Variants in CALN1 observed in about 807,000 individuals in gnomAD.
CALN1 encodes calneuron 1, also known as calcium-binding protein 8.
Under a neutral mutation model 30.6 loss-of-function variants are expected in CALN1, and 17 were observed. The ratio of observed to expected loss-of-function variants is 0.56; its 90% CI spans 0.38 to 0.83. The LOEUF is 0.83. Ranked by LOEUF, CALN1 falls within the 40% of genes least tolerant of loss-of-function variation. The pLI is 0.00. For synonymous variants in CALN1, 156 were observed against 131.4 expected, an observed-to-expected ratio of 1.19 and a Z score of -1.28; for missense variants, 291 against 354.9, an observed-to-expected ratio of 0.82 and a Z score of 1.45.
At chr7:72,390,858 A>T (rs1188829848) in intron 2 of CALN1, among the ~76,000 whole-genome samples, 1 of 152,238 alleles carries the variant, frequency 6.6e-6, no homozygotes, top group Non-Finnish European at 1.5e-5. Flanking sequence ...GCTTATGTAT[A>T]ATACATTTCC....
chr7:72,410,185 G>T (rs1047997221), intron 1 of CALN1, among the ~76,000 whole-genome samples: 1 of 152,152 alleles, frequency 6.6e-6, no homozygotes, highest in Non-Finnish European at 1.5e-5. Flanking sequence ...GCATTTGCTG[G>T]AACATGAGAG....
rs1794977061 is a variant in CALN1 at position 71,922,122 on chromosome 7, T to C, written c.501+101535A>G. Among the ~76,000 whole-genome samples the C allele has an allele frequency of 2.0e-5, 3 of 152,190 alleles. No individual in the cohort carries two copies. The South Asian group carries it at 6.2e-4, about 32-fold the overall frequency. ...CATACCAAACAGGTAAACAGGTGAGTCAGGTATGGTCACAAATGGAGACAA... is the reference window on the plus strand; with the variant it reads ...CATACCAAACAGGTAAACAGGTGAGCCAGGTATGGTCACAAATGGAGACAA... On this transcript the variant is annotated intron_variant, in intron 5 of 6. Transcript: ENST00000395275.
At chr7:72,002,119 G>T (rs1181654427) in intron 5 of CALN1, among the ~76,000 whole-genome samples, 5 of 152,132 alleles carry the variant, frequency 3.3e-5, no homozygotes, top group Admixed American at 1.3e-4. Context: ...ATAAGATTGG[G>T]AAGGAGCCAA....
At chr7:71,953,359 A>G (rs931048507) in intron 5 of CALN1, among the ~76,000 whole-genome samples, 1 of 152,086 alleles carries the variant, frequency 6.6e-6, no homozygotes, top group Non-Finnish European at 1.5e-5. Context: ...TCCCTGCACT[A>G]TTTAAGTAGA....
intron 6 of CALN1, among the ~76,000 whole-genome samples, chr7:71,809,131 G>T (rs1241056841): frequency 1.3e-5 from 2 of 152,136 alleles, no homozygotes; most frequent in African/African-American, 4.8e-5. Context: ...CTTCAGAAGA[G>T]ATCATTGCTT....
intron 2 of CALN1, among the ~76,000 whole-genome samples, chr7:72,376,218 T>C (rs1004305120): frequency 6.6e-6 from 1 of 152,182 alleles, no homozygotes; most frequent in African/African-American, 2.4e-5. Context: ...ATACAAGTAT[T>C]TGTGTGAACA....
intron 2 of CALN1, among the ~76,000 whole-genome samples, chr7:72,289,131 A>T (rs1206720687): frequency 6.6e-6 from 1 of 152,228 alleles, no homozygotes; most frequent in Non-Finnish European, 1.5e-5. Context: ...TTTGTTGCTG[A>T]TGAGAAATCT....
At chr7:72,311,668 T>G (rs1158665201) in intron 2 of CALN1, among the ~76,000 whole-genome samples, 1 of 143,394 alleles carries the variant, frequency 7.0e-6, no homozygotes, top group Non-Finnish European at 1.5e-5. Flanking sequence ...TTTTTTTTTT[T>G]TTTTTTTTTG....
chr7:72,403,296 C>G lies in CALN1; in HGVS notation c.74G>C (p.Gly25Ala), dbSNP rs759101499. 71 of 1,550,498 alleles carry G rather than the reference C, an allele frequency of 4.6e-5. No homozygotes were observed. The highest frequency in any genetic ancestry group is 2.9e-4 in the Admixed American group (15 of 51,010). The change falls in exon 2 of 7, where the codon GGG (glycine) becomes GCG (alanine). Residue 25 changes from glycine (G) to alanine (A), a missense_variant. Physicochemically the swap from Gly to Ala is moderately conservative, Grantham distance 60. This residue lies in a region of CALN1 where 122 missense variants were observed against 103.2 expected (regional missense o/e 1.18). Coordinates refer to ENST00000395275, the MANE Select transcript of CALN1 (RefSeq NM_031468.4). Reference sequence around the variant, plus strand: ...CTGGCTCCTCGGCGGCTCCTCTCCCCCTCCGAGGGCTCCTCCGTCCCCCTT... The same window carrying G: ...CTGGCTCCTCGGCGGCTCCTCTCCCGCTCCGAGGGCTCCTCCGTCCCCCTT... ...EKKGDGGALG[G>A]GEEPPRSQAP... is the part of the protein sequence containing the mutation.
intron 3 of CALN1, among the ~76,000 whole-genome samples, chr7:72,213,561 T>C (rs1042769152): frequency 2.0e-5 from 3 of 152,310 alleles, no homozygotes; most frequent in East Asian, 1.9e-4. Flanking sequence ...ATGTAAATGA[T>C]ACTTAATAAA....
At position 71,812,926 on chromosome 7, in the gene CALN1, C is replaced by CATTATTATTATTATTATT. The variant is rs566341266; in HGVS notation, c.502-2435_502-2434insAATAATAATAATAATAAT. 1.4e-4 allele frequency among the ~76,000 whole-genome samples: 13 copies of CATTATTATTATTATTATT among 94,386 alleles called. 1 individual carries two copies. The East Asian group carries it at 1.5e-3, about 11-fold the overall frequency. 61.9% of individuals were successfully genotyped at this position (94,386 alleles called of 152,430 possible). ...GTCCAGCTATTTTATTTATCATCAT[C>CATTATTATTATTATTATT]ATCATTATTATTATTATTATTATTA... On this transcript the variant is annotated intron_variant, in intron 5 of 6. Coordinates refer to ENST00000395275, the MANE Select transcript of CALN1 (RefSeq NM_031468.4).
intron 3 of CALN1, among the ~76,000 whole-genome samples, chr7:72,202,421 G>A (rs1791505809): frequency 6.6e-6 from 1 of 152,104 alleles, no homozygotes; most frequent in Non-Finnish European, 1.5e-5. Context: ...ATCTTTTCTT[G>A]ACCTTTAGAA....
intron 5 of CALN1, among the ~76,000 whole-genome samples, chr7:71,990,218 A>T (rs561608986): frequency 6.6e-6 from 1 of 152,220 alleles, no homozygotes; most frequent in African/African-American, 2.4e-5. Context: ...TATGCTAATT[A>T]TAATAGATAA....
intron 2 of CALN1, among the ~76,000 whole-genome samples, chr7:72,321,373 G>T (rs1411439562): frequency 6.6e-6 from 1 of 152,178 alleles, no homozygotes; most frequent in East Asian, 1.9e-4. Context: ...TCACGGCTGG[G>T]TGATAAATGC....
intron 3 of CALN1, among the ~76,000 whole-genome samples, chr7:72,234,661 G>A (rs530282586): frequency 7.2e-5 from 11 of 152,234 alleles, no homozygotes; most frequent in Admixed American, 6.5e-5. Context: ...GGCCAGGCTG[G>A]TCTCGAACTC....
At chr7:71,844,431 G>A (rs887662695) in intron 5 of CALN1, among the ~76,000 whole-genome samples, 1 of 152,178 alleles carries the variant, frequency 6.6e-6, no homozygotes, top group African/African-American at 2.4e-5. Flanking sequence ...CCAGTTTCTT[G>A]AGCATAAATT....
chr7:72,115,782 G>A (rs926447076), intron 3 of CALN1, among the ~76,000 whole-genome samples: 11 of 151,892 alleles, frequency 7.2e-5, no homozygotes, highest in East Asian at 1.9e-4. Flanking sequence ...CACCGTGCCC[G>A]GCCATATACA....
At chr7:72,403,585 T>C (rs1461294968) in intron 1 of CALN1, 143 bp from the exon 2 acceptor site, 2 of 456,418 alleles carry the variant, frequency 4.4e-6, no homozygotes, top group East Asian at 3.2e-5. Flanking sequence ...ACAAGAAATA[T>C]AATTACAGTT....
chr7:71,959,622 C>A (rs543053999), intron 5 of CALN1, among the ~76,000 whole-genome samples: 1 of 144,332 alleles, frequency 6.9e-6, no homozygotes, highest in Non-Finnish European at 1.5e-5. Flanking sequence ...ACCTTTCCAG[C>A]TTTTTTTTTT....
Sources: gnomAD v4.1 joint callset for allele counts (sites outside exome capture counted in the v4.1 genomes callset) on GRCh38, gnomAD v4.1.1 for gene constraint, gnomAD v4.1.1 regional missense constraint, MANE v1.5 for transcripts, NCBI Gene and HGNC (gene_info 2026-07-23, HGNC 2026-07-21) for gene names.